DLG2: variants seen among roughly 807,000 people sequenced by gnomAD.
DLG2 encodes the protein discs large MAGUK scaffold protein 2.
A neutral mutation model predicts 132.5 loss-of-function variants in DLG2; 45 were observed. The ratio of observed to expected loss-of-function variants is 0.34; its 90% confidence interval spans 0.27 to 0.44. The LOEUF (loss-of-function observed/expected upper bound fraction) is 0.44. Among genes scored for constraint, DLG2 ranks in the 20% least tolerant of loss-of-function variants. The pLI is 1.00. For missense variants in DLG2, 1,045 were observed against 1,196.9 expected, an observed-to-expected ratio of 0.87 and a Z score of 1.87; for synonymous variants, 424 against 419.6, an observed-to-expected ratio of 1.01 and a Z score of -0.13.
At chr11:84,759,519 TG>T (rs2067318896) in intron 6 of DLG2, among the ~76,000 whole-genome samples, 1 of 152,248 alleles carries the variant, frequency 6.6e-6, no homozygotes. Context: ...TGAGCGTTTA[TG>T]ATAATCTATC....
intron 4 of DLG2, among the ~76,000 whole-genome samples, chr11:85,266,527 G>A (rs549643030): frequency 2.0e-5 from 3 of 152,120 alleles, no homozygotes; most frequent in African/African-American, 4.8e-5. Flanking sequence ...GTTGATGGGT[G>A]TAGCAAATCA....
At chr11:85,607,373 C>A (rs540751325) in intron 2 of DLG2, among the ~76,000 whole-genome samples, 1 of 152,230 alleles carries the variant, frequency 6.6e-6, no homozygotes, top group South Asian at 2.1e-4. Flanking sequence ...TCCAGGGTCC[C>A]GACAACAAGT....
chr11:83,606,668 C>T (rs1383616251), intron 19 of DLG2, among the ~76,000 whole-genome samples: 3 of 151,864 alleles, frequency 2.0e-5, no homozygotes, highest in Non-Finnish European at 2.9e-5. Flanking sequence ...TAGCTCACGC[C>T]TGTAATCCCA....
chr11:83,810,820 C>T (rs924560816), intron 17 of DLG2, among the ~76,000 whole-genome samples: 19 of 152,012 alleles, frequency 1.2e-4, no homozygotes, highest in African/African-American at 3.6e-4. Flanking sequence ...TGTGCCATGT[C>T]CCATGGATTC....
chr11:84,392,956 C>G (rs1365243336), intron 7 of DLG2, among the ~76,000 whole-genome samples: 1 of 151,974 alleles, frequency 6.6e-6, no homozygotes, highest in Non-Finnish European at 1.5e-5. Flanking sequence ...ATTAAATTTG[C>G]TTCAAAATGA....
At chr11:83,834,779 T>C (rs1330314157) in intron 16 of DLG2, among the ~76,000 whole-genome samples, 1 of 152,212 alleles carries the variant, frequency 6.6e-6, no homozygotes, top group Non-Finnish European at 1.5e-5. Context: ...AATTATAGAA[T>C]GTAAAAAGTC....
intron 3 of DLG2, among the ~76,000 whole-genome samples, chr11:85,423,350 A>C (rs557038153): frequency 6.6e-6 from 1 of 152,134 alleles, no homozygotes. Flanking sequence ...GATGTACTGG[A>C]TCCTGTGACA....
rs550552984 is a variant in DLG2, at chr11:83,547,705, T to C, written c.1941-5847A>G. 3.9e-5 allele frequency among the ~76,000 whole-genome samples: 6 copies of C among 152,300 alleles called. No homozygotes were observed. The East Asian group carries it at 9.6e-4, about 24-fold the overall frequency. Reference sequence around the variant, plus strand: ...TTACAGACTGCTGAAAGCTTTATTTTAGTCTGGTGAGATCTGTACCAGACC... The same window carrying C: ...TTACAGACTGCTGAAAGCTTTATTTCAGTCTGGTGAGATCTGTACCAGACC... On this transcript the variant is annotated intron_variant, in intron 19 of 27. Transcript: ENST00000376104.
intron 6 of DLG2, among the ~76,000 whole-genome samples, chr11:84,694,805 T>C (rs2058443590): frequency 1.3e-5 from 2 of 151,536 alleles, no homozygotes; most frequent in Non-Finnish European, 3.0e-5. Flanking sequence ...AGTCCAAATA[T>C]GGGTTTGTAA....
intron 18 of DLG2, among the ~76,000 whole-genome samples, chr11:83,754,158 C>T (rs957497795): frequency 1.3e-5 from 2 of 150,314 alleles, no homozygotes; most frequent in South Asian, 4.2e-4. Context: ...TAGTTCTCTA[C>T]CAGCAGAATA....
At position 84,946,126 on chromosome 11, in the gene DLG2, C is replaced by A. The variant is rs148825317; in HGVS notation, c.357+165535G>T. Among the ~76,000 whole-genome samples, 401 of 152,198 alleles carry A rather than the reference C, an allele frequency of 2.6e-3. 2 individuals carry two copies. Among genetic ancestry groups the A allele is most frequent in the African/African-American group, 9.5e-3 (396 of 41,526 alleles). On this transcript the variant is annotated intron_variant, in intron 6 of 27. Coordinates refer to ENST00000376104, the MANE Select transcript of DLG2 (RefSeq NM_001142699.3). ...TTAAGGGCAGTATCCTCCCTTTGGC[C>A]CAGGATGGGACCAAACATTTCATCC...
chr11:84,568,623 T>C (rs2099467525), intron 6 of DLG2, among the ~76,000 whole-genome samples: 1 of 152,138 alleles, frequency 6.6e-6, no homozygotes, highest in South Asian at 2.1e-4. Context: ...ATGGCTAGTA[T>C]CTATGCCCAG....
chr11:83,932,151 G>A (rs60957294), intron 14 of DLG2, among the ~76,000 whole-genome samples: 2,933 of 129,478 alleles, frequency 0.023, 65 homozygotes, highest in East Asian at 0.09. Context: ...ATACTGACAA[G>A]GTTCTCTTGC....
intron 5 of DLG2, among the ~76,000 whole-genome samples, chr11:85,139,076 C>T (rs1278664980): frequency 6.6e-6 from 1 of 152,012 alleles, no homozygotes; most frequent in East Asian, 1.9e-4. Flanking sequence ...CAAGACCTTC[C>T]CAAACTGATT....
intron 3 of DLG2, among the ~76,000 whole-genome samples, chr11:85,450,512 C>G (rs1188671720): frequency 6.6e-6 from 1 of 152,076 alleles, no homozygotes. Context: ...TTTTTTGGCC[C>G]CCACAGACTT....
In DLG2 at chr11:84,338,899, TGTA is replaced by T. The variant is rs901256770; in HGVS notation, c.520-87611_520-87609del. Among the ~76,000 whole-genome samples the T allele has an allele frequency of 3.3e-5, 5 of 152,174 alleles. No homozygotes were observed. In the East Asian group the frequency reaches 9.6e-4, roughly 29 times the overall value. On this transcript the variant is annotated intron_variant, in intron 7 of 27. Coordinates refer to ENST00000376104, the MANE Select transcript of DLG2 (RefSeq NM_001142699.3). ...AAATAATACATGATAATCCTTAACATGTAGTAGTAGTTATCATTTTACTAGTCA... is the reference window on the plus strand; with the variant it reads ...AAATAATACATGATAATCCTTAACATGTAGTAGTTATCATTTTACTAGTCA...
At chr11:85,571,054 A>G (rs997477253) in intron 3 of DLG2, among the ~76,000 whole-genome samples, 2 of 152,084 alleles carry the variant, frequency 1.3e-5, no homozygotes, top group Non-Finnish European at 2.9e-5. Context: ...CTTTGAACAT[A>G]TTTAAAACAA....
At chr11:84,792,544 T>G (rs530597297) in intron 6 of DLG2, among the ~76,000 whole-genome samples, 1 of 152,108 alleles carries the variant, frequency 6.6e-6, no homozygotes. Flanking sequence ...AGTGAAACCA[T>G]TGGGTACCAG....
chr11:83,829,764 T>C (rs945481067), intron 17 of DLG2, among the ~76,000 whole-genome samples: 3 of 151,982 alleles, frequency 2.0e-5, no homozygotes, highest in Non-Finnish European at 4.4e-5. Flanking sequence ...TTTATTATTA[T>C]ACTTTAAGTT....
Sources: allele counts gnomAD v4.1 joint callset (sites outside exome capture counted in the v4.1 genomes callset), GRCh38; gene constraint gnomAD v4.1.1; transcripts MANE v1.5; gene names NCBI Gene and HGNC (gene_info 2026-07-23, HGNC 2026-07-21).